Variants in PCDH15 observed in about 807,000 individuals in gnomAD.
PCDH15 encodes the protein protocadherin-15.
In PCDH15, 129 loss-of-function variants were observed where a neutral mutation model predicts 178.5. That is an observed-to-expected ratio of 0.72 (90% CI 0.63 to 0.84). PCDH15 has a LOEUF of 0.84. Ranked by LOEUF, PCDH15 falls within the 40% of genes least tolerant of loss-of-function variation. PCDH15 has a pLI of 0.00. For synonymous variants in PCDH15, 800 were observed against 732.0 expected (o/e 1.09, Z -1.50); for missense variants, 2,230 against 2,099.9 (o/e 1.06, Z -1.21).
intron 18 of PCDH15, among the ~76,000 whole-genome samples, chr10:54,031,126 G>C (rs1266159162): frequency 6.6e-6 from 1 of 152,026 alleles, no homozygotes; most frequent in Admixed American, 6.6e-5. Flanking sequence ...AAGGGGTGCA[G>C]AAATTCCATT....
At chr10:54,105,353 C>CAT (rs2094899177) in intron 15 of PCDH15, among the ~76,000 whole-genome samples, 1 of 147,520 alleles carries the variant, frequency 6.8e-6, no homozygotes, top group Non-Finnish European at 1.5e-5. Context: ...CACACACACA[C>CAT]ACATACACAA....
intron 3 of PCDH15, among the ~76,000 whole-genome samples, chr10:54,418,534 G>T (rs1010583172): frequency 1.3e-5 from 2 of 151,718 alleles, no homozygotes; most frequent in South Asian, 4.1e-4. Context: ...ATTACATTCG[G>T]TATGACAGAA....
At chr10:54,660,765 G>A (rs2094477582) in intron 2 of PCDH15, among the ~76,000 whole-genome samples, 1 of 152,008 alleles carries the variant, frequency 6.6e-6, no homozygotes, top group Non-Finnish European at 1.5e-5. Flanking sequence ...ATTTGTCACA[G>A]TCAAGTGGAT....
intron 17 of PCDH15, among the ~76,000 whole-genome samples, chr10:54,072,164 A>G (rs2094257107): frequency 6.6e-6 from 1 of 152,136 alleles, no homozygotes; most frequent in African/African-American, 2.4e-5. Context: ...TCACTACTAT[A>G]TCTAAAATTC....
chr10:54,993,155 G>A (rs1839545874), intron 2 of PCDH15, among the ~76,000 whole-genome samples: 1 of 152,100 alleles, frequency 6.6e-6, no homozygotes, highest in African/African-American at 2.4e-5. Context: ...GAAAGGACTT[G>A]GGGACAGATT....
chr10:54,391,353 A>G (rs57783449), intron 3 of PCDH15, among the ~76,000 whole-genome samples: 2,418 of 146,414 alleles, frequency 0.017, 64 homozygotes, highest in African/African-American at 0.058. Flanking sequence ...TAATATGCAC[A>G]CTCCAATCCA....
chr10:55,174,672 G>C (rs1839429216), intron 1 of PCDH15, among the ~76,000 whole-genome samples: 1 of 152,156 alleles, frequency 6.6e-6, no homozygotes, highest in Non-Finnish European at 1.5e-5. Flanking sequence ...TTCCAGAGCT[G>C]CCTCCAGCAG....
intron 15 of PCDH15, among the ~76,000 whole-genome samples, chr10:54,105,275 G>GATATATATAT (rs1491261944): frequency 2.1e-5 from 1 of 47,836 alleles, no homozygotes; most frequent in East Asian, 6.0e-4. Context: ...CATATAGATG[G>GATATATATAT]AGATATATAT....
chr10:54,322,355 TA>T (rs1564962238), intron 7 of PCDH15, among the ~76,000 whole-genome samples: 1 of 151,860 alleles, frequency 6.6e-6, no homozygotes, highest in African/African-American at 2.4e-5. Context: ...TCTTCTTTTT[TA>T]AAAAATAAGA....
At chr10:55,307,376 G>A (rs1378740044) in intron 1 of PCDH15, among the ~76,000 whole-genome samples, 2 of 151,648 alleles carry the variant, frequency 1.3e-5, no homozygotes, top group East Asian at 1.9e-4. Context: ...GGTGGCAGGC[G>A]CCTGTAATCC....
At chr10:53,913,630 G>A (rs947091692) in intron 25 of PCDH15, among the ~76,000 whole-genome samples, 2 of 150,882 alleles carry the variant, frequency 1.3e-5, no homozygotes, top group Non-Finnish European at 3.0e-5. Flanking sequence ...TGTATTCCCA[G>A]CTACTCGGGA....
chr10:54,536,540 A>G (rs1781451), intron 2 of PCDH15, among the ~76,000 whole-genome samples: 20,383 of 152,152 alleles, frequency 0.13, 2,389 homozygotes, highest in African/African-American at 0.32. Flanking sequence ...TACAATATGC[A>G]GGTTGTTATC....
rs187804216 is a variant in PCDH15 at position 55,487,458 on chromosome 10, A to G, written c.-156+140167T>C. 3.3e-5 allele frequency among the ~76,000 whole-genome samples: 5 copies of G among 151,706 alleles called. No homozygotes were observed. The East Asian group carries it at 9.8e-4, about 30-fold the overall frequency. ...ATAACAACACTCAAAGAATCCACCCATTTCCTTTGTGTGTTTATTTCCTTT... is the reference window on the plus strand; with the variant it reads ...ATAACAACACTCAAAGAATCCACCCGTTTCCTTTGTGTGTTTATTTCCTTT... On this transcript the variant is annotated intron_variant, in intron 2 of 5. Coordinates refer to the PCDH15 transcript ENST00000613346.
chr10:53,870,659 AT>A (rs1306782942), intron 26 of PCDH15, among the ~76,000 whole-genome samples: 2 of 152,162 alleles, frequency 1.3e-5, no homozygotes, highest in Non-Finnish European at 2.9e-5. Flanking sequence ...AATTGCATGG[AT>A]TTTTAATTTT....
intron 2 of PCDH15, among the ~76,000 whole-genome samples, chr10:55,353,023 C>A (rs1844980858): frequency 6.6e-6 from 1 of 152,138 alleles, no homozygotes; most frequent in Non-Finnish European, 1.5e-5. Context: ...CACCCGACTG[C>A]ACATTGCACA....
At chr10:53,902,433 T>C (rs2082392862) in intron 26 of PCDH15, among the ~76,000 whole-genome samples, 1 of 152,134 alleles carries the variant, frequency 6.6e-6, no homozygotes, top group Non-Finnish European at 1.5e-5. Flanking sequence ...CAGAGATGTT[T>C]AGGTTTTATG....
At chr10:53,988,034 T>C (rs2091223187) in intron 21 of PCDH15, among the ~76,000 whole-genome samples, 1 of 152,194 alleles carries the variant, frequency 6.6e-6, no homozygotes, top group African/African-American at 2.4e-5. Flanking sequence ...GTGTTCACGT[T>C]TCTTTTTTAA....
chr10:55,575,603 A>C (rs1481248128), intron 2 of PCDH15: 1 of 152,202 alleles, frequency 6.6e-6, no homozygotes, highest in Non-Finnish European at 1.5e-5. Flanking sequence ...TGAAAAGCTA[A>C]ATTATCAACA....
At chr10:54,952,140 A>G (rs916620358) in intron 2 of PCDH15, among the ~76,000 whole-genome samples, 1 of 151,836 alleles carries the variant, frequency 6.6e-6, no homozygotes, top group Non-Finnish European at 1.5e-5. Context: ...GGAATGTTAT[A>G]GTTTTAAGTT....
Sources: allele counts gnomAD v4.1 joint callset (sites outside exome capture counted in the v4.1 genomes callset), GRCh38; gene constraint gnomAD v4.1.1; transcripts MANE v1.5; gene names NCBI Gene and HGNC (gene_info 2026-07-23, HGNC 2026-07-21).